The following KAZN variants were observed in gnomAD, a reference collection of about 807,000 sequenced individuals.
KAZN encodes the protein kazrin.
Under a neutral mutation model 87.4 loss-of-function variants are expected in KAZN, and 40 were observed. That is an observed-to-expected ratio of 0.46 (90% CI 0.36 to 0.60). The LOEUF is 0.60. KAZN is among the 20% of genes least tolerant of loss of function. The pLI, the probability that KAZN is intolerant of heterozygous loss-of-function variation, is 0.00. For synonymous variants in KAZN, 466 were observed against 458.3 expected (o/e 1.02, Z -0.22); for missense variants, 898 against 1,073.9 (o/e 0.84, Z 2.29).
At chr1:14,924,214 C>T in intron 1 of KAZN, 1 of 981,604 alleles carries the variant, frequency 1.0e-6, no homozygotes, top group Non-Finnish European at 1.2e-6. Context: ...GGACTGAGAG[C>T]CCTGGTCCGG....
chr1:14,943,998 C>T (rs901776612), intron 1 of KAZN, among the ~76,000 whole-genome samples: 4 of 152,010 alleles, frequency 2.6e-5, no homozygotes, highest in Non-Finnish European at 5.9e-5. Context: ...CGCTTGAACC[C>T]GGGAGGCGGA....
At position 14,360,865 on chromosome 1, in the gene KAZN, G is replaced by A. The variant is rs953427215; in HGVS notation, c.249+180273G>A. 4.0e-4 allele frequency among the ~76,000 whole-genome samples: 61 copies of A among 152,196 alleles called. 2 individuals are homozygous for A. The highest frequency in any genetic ancestry group is 1.7e-3 in the Admixed American group (26 of 15,282). On this transcript the variant is annotated intron_variant, in intron 2 of 16. Coordinates refer to the KAZN transcript ENST00000636203. ...GCCACCTGGAGCTCTCCTGTACGAG[G>A]TGCCTGTCAACCCCTGCTGGGATGT...
rs566208659 is a variant in KAZN at position 15,021,751 on chromosome 1, G to A, written c.419-12998G>A. Among the ~76,000 whole-genome samples, 433 of 152,166 alleles carry A rather than the reference G, an allele frequency of 2.8e-3. 5 individuals carry two copies. The highest frequency in any genetic ancestry group is 3.8e-3 in the Non-Finnish European group (258 of 67,978). On this transcript the variant is annotated intron_variant, in intron 2 of 14. Coordinates refer to ENST00000376030, the MANE Select transcript of KAZN (RefSeq NM_201628.3). This position sits in a 1 kb window ranked among gnomAD's most constrained non-coding sequence, Gnocchi z 4.2. ...GACGGACACTCTGTCTGCAGGTTTC[G>A]GTCCCCTCCCTGGGACCGGCCTAGC...
chr1:14,385,045 G>C (rs1461745424), intron 2 of KAZN, among the ~76,000 whole-genome samples: 1 of 151,452 alleles, frequency 6.6e-6, no homozygotes, highest in Admixed American at 6.6e-5. Context: ...TTAGTCTTGG[G>C]AGAGTGTATG....
At chr1:14,025,318 A>G (rs779984486) in intron 1 of KAZN, among the ~76,000 whole-genome samples, 16 of 152,250 alleles carry the variant, frequency 1.1e-4, no homozygotes, top group Non-Finnish European at 1.5e-4. Context: ...TTCTGACTAA[A>G]TAAGATTTGG....
At chr1:14,861,338 C>T (rs1199555696) in intron 1 of KAZN, among the ~76,000 whole-genome samples, 1 of 152,162 alleles carries the variant, frequency 6.6e-6, no homozygotes, top group East Asian at 1.9e-4. Context: ...AAGATTGCAC[C>T]ACTGCACTCC....
intron 1 of KAZN, among the ~76,000 whole-genome samples, chr1:14,883,306 A>G (rs983123638): frequency 4.5e-4 from 21 of 46,456 alleles, no homozygotes; most frequent in Non-Finnish European, 6.3e-4. Context: ...AAAAGAAAGA[A>G]AGAAAGAAAG....
intron 1 of KAZN, among the ~76,000 whole-genome samples, chr1:14,785,179 C>T (rs1388426069): frequency 6.6e-6 from 1 of 152,010 alleles, no homozygotes; most frequent in African/African-American, 2.4e-5. Flanking sequence ...GGAATATAAG[C>T]GTGTCTCATG....
rs2100329073 is a variant in KAZN at position 14,184,048 on chromosome 1, G to A, written c.249+3456G>A. On this transcript the variant is annotated intron_variant, in intron 2 of 16. Transcript: ENST00000636203. The surrounding 1 kb of genome is among the most constrained non-coding windows in gnomAD (Gnocchi z 4.2). ...CCCTTCCCAGAGGTCCATCTCTAGG[G>A]ATGAAAGTAAACCCTTCAAAATAAA... Among the ~76,000 whole-genome samples the A allele has an allele frequency of 6.6e-6, 1 of 152,262 alleles. No individual in the cohort carries two copies. Among genetic ancestry groups the A allele is most frequent in the South Asian group, 2.1e-4 (1 of 4,816 alleles).
intron 1 of KAZN, among the ~76,000 whole-genome samples, chr1:14,708,391 C>T (rs552297843): frequency 1.5e-4 from 23 of 152,324 alleles, no homozygotes; most frequent in Non-Finnish European, 2.6e-4. Flanking sequence ...CGCCAAGGAG[C>T]CGATTTAAAT....
At chr1:14,831,139 C>T (rs570841539) in intron 1 of KAZN, among the ~76,000 whole-genome samples, 7 of 152,344 alleles carry the variant, frequency 4.6e-5, no homozygotes, top group Admixed American at 4.6e-4. Context: ...GGATTACAGG[C>T]GTGAGCCACC....
intron 2 of KAZN, among the ~76,000 whole-genome samples, chr1:14,445,589 G>A (rs1349979714): frequency 6.6e-6 from 1 of 152,082 alleles, no homozygotes; most frequent in Admixed American, 6.5e-5. Context: ...TGTTGTTGAA[G>A]CCCCCCGACT....
chr1:14,675,978 G>A (rs533726454), intron 1 of KAZN, among the ~76,000 whole-genome samples: 35 of 152,244 alleles, frequency 2.3e-4, no homozygotes, highest in South Asian at 2.1e-4. Flanking sequence ...CTAAGCACAG[G>A]ACATCTGAAA....
intron 2 of KAZN, among the ~76,000 whole-genome samples, chr1:14,202,837 C>A (rs1279413345): frequency 6.6e-6 from 1 of 151,938 alleles, no homozygotes; most frequent in African/African-American, 2.4e-5. Context: ...GCCAACATGC[C>A]AAAATCCCGT....
At position 14,405,920 on chromosome 1, in the gene KAZN, A is replaced by G. The variant is rs1663813332; in HGVS notation, c.250-193063A>G. Among the ~76,000 whole-genome samples the G allele has an allele frequency of 2.6e-5, 4 of 152,120 alleles. No homozygotes were observed. In the South Asian group the frequency reaches 8.3e-4, roughly 32 times the overall value. On this transcript the variant is annotated intron_variant, in intron 2 of 16. Transcript: ENST00000636203. ...CCAAGGAATTGGATGAGGCCTGCCCACATTAGGGAGGGCAGTCTGCTATCC... is the reference window on the plus strand; with the variant it reads ...CCAAGGAATTGGATGAGGCCTGCCCGCATTAGGGAGGGCAGTCTGCTATCC...
chr1:14,861,859 A>G (rs1442362788), intron 1 of KAZN, among the ~76,000 whole-genome samples: 1 of 152,216 alleles, frequency 6.6e-6, no homozygotes, highest in Non-Finnish European at 1.5e-5. Flanking sequence ...GACCAGGCGG[A>G]GAGAGCCGAT....
At chr1:15,027,616 C>T (rs1489755041) in intron 2 of KAZN, among the ~76,000 whole-genome samples, 4 of 152,164 alleles carry the variant, frequency 2.6e-5, no homozygotes, top group African/African-American at 9.6e-5. Flanking sequence ...CCCCTCATTT[C>T]GCAGAATGTA....
At chr1:14,779,120 G>A (rs1232606847) in intron 1 of KAZN, among the ~76,000 whole-genome samples, 1 of 152,098 alleles carries the variant, frequency 6.6e-6, no homozygotes, top group Non-Finnish European at 1.5e-5. Context: ...TCTGTGTTCC[G>A]CGAGACAGGG....
intron 1 of KAZN, among the ~76,000 whole-genome samples, chr1:14,138,510 G>A (rs1430616791): frequency 6.6e-6 from 1 of 152,158 alleles, no homozygotes; most frequent in Non-Finnish European, 1.5e-5. Context: ...CACTGGAAGA[G>A]GAAATGGGAT....
Sources: gnomAD v4.1 joint callset for allele counts (sites outside exome capture counted in the v4.1 genomes callset) on GRCh38, gnomAD v4.1.1 for gene constraint, Gnocchi (gnomAD v3.1) non-coding constraint, MANE v1.5 for transcripts, NCBI Gene and HGNC (gene_info 2026-07-23, HGNC 2026-07-21) for gene names.